The following UTRN variants were observed in gnomAD, a reference collection of about 807,000 sequenced individuals.
UTRN encodes dystrophin-related protein 1.
Under a neutral mutation model 463.9 loss-of-function variants are expected in UTRN, and 283 were observed. That is an observed-to-expected ratio of 0.61 (90% confidence interval 0.55 to 0.67). The LOEUF (loss-of-function observed/expected upper bound fraction) is 0.67. UTRN is among the 30% of genes least tolerant of loss of function. The pLI is 0.00. For synonymous variants in UTRN, 1,442 were observed against 1,431.5 expected (o/e 1.01, Z -0.17); for missense variants, 3,922 against 4,084.3 (o/e 0.96, Z 1.08).
chr6:144,799,931 G>C (rs895633599), intron 64 of UTRN, among the ~76,000 whole-genome samples: 2 of 152,160 alleles, frequency 1.3e-5, no homozygotes, highest in African/African-American at 4.8e-5. Context: ...ATATTAAGAA[G>C]TAATTAAATG....
intron 15 of UTRN, 111 bp from the exon 16 acceptor site, chr6:144,447,491 C>A: frequency 1.5e-6 from 2 of 1,369,898 alleles, no homozygotes; most frequent in Non-Finnish European, 2.0e-6. Context: ...TAGTGAACTG[C>A]AAAGCATGTA....
intron 51 of UTRN, among the ~76,000 whole-genome samples, chr6:144,613,051 G>C (rs1805695250): frequency 6.6e-6 from 1 of 152,050 alleles, no homozygotes; most frequent in Admixed American, 6.6e-5. Flanking sequence ...CCTGTCATTT[G>C]TGATAGCATA....
chr6:144,775,845 C>A (rs1347871554), intron 60 of UTRN, among the ~76,000 whole-genome samples: 1 of 152,134 alleles, frequency 6.6e-6, no homozygotes, highest in Non-Finnish European at 1.5e-5. Context: ...TCTCTTGGTT[C>A]TTTGGATTCC....
chr6:144,764,391 C>A (rs1381291814), intron 58 of UTRN, among the ~76,000 whole-genome samples: 1 of 152,142 alleles, frequency 6.6e-6, no homozygotes, highest in East Asian at 1.9e-4. Flanking sequence ...TAGTTAAGGA[C>A]TTAAAATATC....
intron 51 of UTRN, among the ~76,000 whole-genome samples, chr6:144,603,939 A>C (rs959454476): frequency 2.0e-5 from 3 of 152,238 alleles, no homozygotes; most frequent in Non-Finnish European, 4.4e-5. Context: ...ATTTCCATCA[A>C]ATAAAATGTT....
intron 44 of UTRN, 147 bp from the exon 45 acceptor site, chr6:144,539,147 G>T: frequency 1.1e-6 from 1 of 884,526 alleles, no homozygotes; most frequent in Non-Finnish European, 1.6e-6. Context: ...TTGTTAGCAT[G>T]AGCTTAAGCT....
chr6:144,468,063 G>A (rs1790136271), intron 23 of UTRN, among the ~76,000 whole-genome samples: 5 of 151,212 alleles, frequency 3.3e-5, no homozygotes, highest in Admixed American at 3.3e-4. Flanking sequence ...AAAAAGCTGT[G>A]GACATTCCGA....
rs531020055 is a variant in UTRN at position 144,777,114 on chromosome 6, C to A, written c.8632+2750C>A. Reference sequence around the variant, plus strand: ...GTTCGTCTCTACTTAGGACCTCATACAATTTCTGGCACAGAGCAGGGGTTG... The same window carrying A: ...GTTCGTCTCTACTTAGGACCTCATAAAATTTCTGGCACAGAGCAGGGGTTG... On this transcript the variant is annotated intron_variant, in intron 60 of 74. Transcript: ENST00000367545. Among the ~76,000 whole-genome samples the A allele has an allele frequency of 2.6e-5, 4 of 152,252 alleles. No individual in the cohort carries two copies. In the South Asian group the frequency reaches 8.3e-4, roughly 32 times the overall value.
At chr6:144,704,152 T>C (rs1364438774) in intron 53 of UTRN, among the ~76,000 whole-genome samples, 4 of 152,192 alleles carry the variant, frequency 2.6e-5, no homozygotes, top group African/African-American at 9.6e-5. Flanking sequence ...CTAGCACCAT[T>C]CTAAGCACTG....
chr6:144,449,929 C>G (rs188706549), intron 17 of UTRN, among the ~76,000 whole-genome samples: 1 of 152,078 alleles, frequency 6.6e-6, no homozygotes, highest in Non-Finnish European at 1.5e-5. Flanking sequence ...ATAGTGTATA[C>G]TTTTTAGGGT....
chr6:144,780,376 T>TA (rs1379765248), intron 60 of UTRN, among the ~76,000 whole-genome samples: 2 of 152,058 alleles, frequency 1.3e-5, no homozygotes, highest in African/African-American at 2.4e-5. Context: ...GCCAAAAAGT[T>TA]AAAAAATAAG....
At chr6:144,294,094 T>A (rs2114514955) in intron 2 of UTRN, among the ~76,000 whole-genome samples, 1 of 152,258 alleles carries the variant, frequency 6.6e-6, no homozygotes, top group South Asian at 2.1e-4. Flanking sequence ...TTTCTAAAGT[T>A]CTTCAATGAA....
At chr6:144,708,378 AG>A in intron 53 of UTRN, 1 of 653,166 alleles carries the variant, frequency 1.5e-6, no homozygotes, top group Non-Finnish European at 2.9e-6. Context: ...GCCATTTTTT[AG>A]ATAAAGTGTT....
intron 53 of UTRN, among the ~76,000 whole-genome samples, chr6:144,723,828 C>T (rs1192017351): frequency 1.3e-5 from 2 of 151,552 alleles, no homozygotes; most frequent in Non-Finnish European, 2.9e-5. Flanking sequence ...ATGGTGAAAC[C>T]CTGTTTCTAC....
chr6:144,469,331 AGT>A (rs1790269838), intron 23 of UTRN, among the ~76,000 whole-genome samples: 1 of 152,214 alleles, frequency 6.6e-6, no homozygotes, highest in South Asian at 2.1e-4. Flanking sequence ...ATAATAAAGC[AGT>A]TGGTTTTGTA....
chr6:144,377,779 A>T (rs1245604679), intron 2 of UTRN, among the ~76,000 whole-genome samples: 1 of 152,168 alleles, frequency 6.6e-6, no homozygotes, highest in African/African-American at 2.4e-5. Flanking sequence ...GGCACTGTTG[A>T]TTTACACTGT....
intron 48 of UTRN, among the ~76,000 whole-genome samples, chr6:144,554,052 A>G (rs1445776760): frequency 1.3e-5 from 2 of 152,226 alleles, no homozygotes; most frequent in East Asian, 3.8e-4. Context: ...GGAATGAACA[A>G]TAATAAAAGA....
intron 51 of UTRN, among the ~76,000 whole-genome samples, chr6:144,580,291 T>C (rs910407929): frequency 6.6e-5 from 10 of 152,186 alleles, no homozygotes; most frequent in Admixed American, 1.3e-4. Context: ...GAGCTCCGTG[T>C]ATCTTTGCTG....
At chr6:144,671,816 CCTTAAGGA>C in intron 51 of UTRN, among the ~76,000 whole-genome samples, 1 of 151,974 alleles carries the variant, frequency 6.6e-6, no homozygotes, top group South Asian at 2.1e-4. Flanking sequence ...GCTTTTATTA[CCTTAAGGA>C]ATGTCTCGTC....
Sources: allele counts gnomAD v4.1 joint callset (sites outside exome capture counted in the v4.1 genomes callset), GRCh38; gene constraint gnomAD v4.1.1; transcripts MANE v1.5; gene names NCBI Gene and HGNC (gene_info 2026-07-23, HGNC 2026-07-21).